Variants in SCN9A observed in about 807,000 individuals in gnomAD.
SCN9A encodes sodium voltage-gated channel alpha subunit 9, also known as sodium channel protein type 9 subunit alpha.
In SCN9A, 131 loss-of-function variants were observed where a neutral mutation model predicts 187.0. The ratio of observed to expected loss-of-function variants is 0.70; its 90% CI spans 0.61 to 0.81. The LOEUF (loss-of-function observed/expected upper bound fraction) is 0.81. Ranked by LOEUF, SCN9A falls within the 30% of genes least tolerant of loss-of-function variation. The pLI, the probability that SCN9A is intolerant of heterozygous loss-of-function variation, is 0.00. For missense variants in SCN9A, 2,252 were observed against 2,396.6 expected, an observed-to-expected ratio of 0.94 and a Z score of 1.26; for synonymous variants, 809 against 808.6, an observed-to-expected ratio of 1.00 and a Z score of -0.01.
intron 17 of SCN9A, among the ~76,000 whole-genome samples, chr2:166,254,112 TG>T (rs1197921338): frequency 6.6e-6 from 1 of 151,658 alleles, no homozygotes; most frequent in Non-Finnish European, 1.5e-5. Context: ...GCAGGTTTTA[TG>T]TTTTTTTAAT....
chr2:166,209,509 T>C (rs922304354), intron 24 of SCN9A, among the ~76,000 whole-genome samples: 1 of 151,496 alleles, frequency 6.6e-6, no homozygotes, highest in Non-Finnish European at 1.5e-5. Flanking sequence ...AAGTCAAATA[T>C]CAGTAAAAAC....
chr2:166,293,853 T>C (rs950171121), intron 8 of SCN9A, among the ~76,000 whole-genome samples: 1 of 152,226 alleles, frequency 6.6e-6, no homozygotes, highest in African/African-American at 2.4e-5. Context: ...ATTGTCTAAG[T>C]TCATAAAAAT....
chr2:166,302,021 G>A (rs1698575540), intron 7 of SCN9A: 1 of 150,908 alleles, frequency 6.6e-6, no homozygotes, highest in Non-Finnish European at 1.5e-5. Context: ...CACAGTGAGT[G>A]AGAAAGGACA....
intron 1 of SCN9A, among the ~76,000 whole-genome samples, chr2:166,373,454 A>C (rs1000879014): frequency 9.2e-5 from 14 of 152,174 alleles, no homozygotes; most frequent in African/African-American, 3.4e-4. Context: ...CAGGATTCCA[A>C]GTAAATTATG....
chr2:166,358,957 T>G (rs1003080537), intron 1 of SCN9A, among the ~76,000 whole-genome samples: 3 of 152,210 alleles, frequency 2.0e-5, no homozygotes, highest in African/African-American at 7.2e-5. Flanking sequence ...AGCAGTAATC[T>G]GAATTTATTT....
chr2:166,345,526 A>C (rs1483412043), intron 1 of SCN9A, among the ~76,000 whole-genome samples: 3 of 142,514 alleles, frequency 2.1e-5, no homozygotes, highest in Non-Finnish European at 4.5e-5. Flanking sequence ...AAAAAGTAAC[A>C]AAAAAAAGTA....
intron 5 of SCN9A, among the ~76,000 whole-genome samples, chr2:166,305,078 C>T (rs898553297): frequency 2.6e-5 from 4 of 151,874 alleles, no homozygotes; most frequent in African/African-American, 7.3e-5. Flanking sequence ...ATGAAGGAAT[C>T]GGATATTAGG....
chr2:166,312,543 A>G lies in SCN9A; in HGVS notation c.-50-737T>C, dbSNP rs928368548. Among the ~76,000 whole-genome samples, 3 of 152,282 alleles carry G rather than the reference A, an allele frequency of 2.0e-5. No individual in the cohort carries two copies. In the East Asian group the frequency reaches 5.8e-4, roughly 29 times the overall value. ...CCTCCCACAAATCATTAATGTTCTAATAACATCTAGAATGGTGAATCCTTT... is the reference window on the plus strand; with the variant it reads ...CCTCCCACAAATCATTAATGTTCTAGTAACATCTAGAATGGTGAATCCTTT... On this transcript the variant is annotated intron_variant, in intron 1 of 26. Transcript: ENST00000642356.
rs1181039080 is a variant in SCN9A at position 166,198,083 on chromosome 2, T to C, written c.*589A>G. ...ATATTTTTAATCCCATGGCATTTTA[T>C]AGGCACATATAAATTGGTTCTGATG... On this transcript the variant is annotated 3_prime_UTR_variant, in exon 27 of 27. Transcript: ENST00000642356. 1 of 152,254 alleles carries C rather than the reference T, an allele frequency of 6.6e-6. No individual in the cohort carries two copies. The highest frequency in any genetic ancestry group is 1.5e-5 in the Non-Finnish European group (1 of 68,070). 9.4% of individuals were successfully genotyped at this position (152,254 alleles called of 1,614,324 possible).
chr2:166,234,616 T>A (rs1025939270), intron 20 of SCN9A, among the ~76,000 whole-genome samples: 45 of 152,238 alleles, frequency 3.0e-4, no homozygotes, highest in Non-Finnish European at 5.1e-4. Flanking sequence ...CTTTTTTTTT[T>A]AAATTCCTAA....
In SCN9A at chr2:166,204,374, T is replaced by C; in HGVS notation, c.4489A>G (p.Ile1497Val). 2 of 1,608,770 alleles carry C rather than the reference T, an allele frequency of 1.2e-6. No individual in the cohort carries two copies. The highest frequency in any genetic ancestry group is 8.5e-7 in the Non-Finnish European group (1 of 1,177,010). Residue 1497 changes from isoleucine to valine, a missense_variant, in exon 25 of 27, where the codon ATT (isoleucine) becomes GTT (valine). This residue lies in a region of SCN9A where 368 missense variants were observed against 408.6 expected (regional missense o/e 0.90). Coordinates refer to ENST00000642356, the MANE Select transcript of SCN9A (RefSeq NM_001365536.1). ...KLGSKKPQKP[I>V]PRPGNKIQGC... is the part of the protein sequence containing the mutation. ...TATTTTTTTACCCCTGGTCGAGGAA[T>C]TGGCTTTTGTGGCTTCTTGGACCCC...
intron 26 of SCN9A, among the ~76,000 whole-genome samples, chr2:166,201,919 A>G (rs1273214328): frequency 6.6e-6 from 1 of 151,716 alleles, no homozygotes; most frequent in Non-Finnish European, 1.5e-5. Flanking sequence ...TTTTTTGTGA[A>G]AATAATCCAC....
rs1363081239 is a variant in SCN9A, at chr2:166,311,851, A to G, written c.-50-45T>C. ...TAAAGACTTAACTATTTGCCTGCCA[A>G]GAAAGGCCCATTAAAAACTAATAAT... On this transcript the variant is annotated intron_variant, in intron 1 of 26. Transcript: ENST00000642356. 6 of 1,225,430 alleles carry G rather than the reference A, an allele frequency of 4.9e-6. No individual in the cohort carries two copies. In the Admixed American group the frequency reaches 1.5e-4, roughly 30 times the overall value. The allele number at this position is 1,225,430 out of a possible 1,614,324, so 75.9% of individuals were successfully genotyped here.
intron 1 of SCN9A, among the ~76,000 whole-genome samples, chr2:166,352,429 A>T (rs770143495): frequency 2.6e-5 from 4 of 152,228 alleles, no homozygotes; most frequent in Non-Finnish European, 5.9e-5. Flanking sequence ...ATAAGCCTAC[A>T]ATAAAAGCAG....
chr2:166,253,832 C>T (rs981245463), intron 17 of SCN9A, among the ~76,000 whole-genome samples: 12 of 151,764 alleles, frequency 7.9e-5, no homozygotes, highest in African/African-American at 2.7e-4. Context: ...GAATACAAAG[C>T]ACCCCCCTGC....
At chr2:166,239,940 C>G (rs954052989) in intron 19 of SCN9A, among the ~76,000 whole-genome samples, 4 of 152,160 alleles carry the variant, frequency 2.6e-5, no homozygotes, top group African/African-American at 9.6e-5. Flanking sequence ...CTTATGTGAG[C>G]TCTATCTGAT....
At chr2:166,327,984 AC>A (rs1338944995) in intron 1 of SCN9A, among the ~76,000 whole-genome samples, 1 of 152,150 alleles carries the variant, frequency 6.6e-6, no homozygotes, top group Non-Finnish European at 1.5e-5. Flanking sequence ...GCTTCATTTA[AC>A]TAATTAGTAG....
chr2:166,251,615 C>G, intron 18 of SCN9A, 150 bp downstream of exon 18: 1 of 749,760 alleles, frequency 1.3e-6, no homozygotes, highest in Non-Finnish European at 2.2e-6. Flanking sequence ...GCTCTAGTGA[C>G]TTGCCCTTAA....
intron 18 of SCN9A, among the ~76,000 whole-genome samples, chr2:166,247,873 A>G (rs1695864166): frequency 6.6e-6 from 1 of 152,166 alleles, no homozygotes; most frequent in African/African-American, 2.4e-5. Context: ...TCATAATTAT[A>G]TAGGTTGCCA....
Sources: gnomAD v4.1 joint callset for allele counts (sites outside exome capture counted in the v4.1 genomes callset) on GRCh38, gnomAD v4.1.1 for gene constraint, gnomAD v4.1.1 regional missense constraint, MANE v1.5 for transcripts, NCBI Gene and HGNC (gene_info 2026-07-23, HGNC 2026-07-21) for gene names.